The following DNER variants were observed in gnomAD, a reference collection of about 807,000 sequenced individuals.
DNER encodes delta/notch like EGF repeat containing, also known as delta and Notch-like epidermal growth factor-related receptor.
Under a neutral mutation model 78.2 loss-of-function variants are expected in DNER, and 33 were observed. That is an observed-to-expected ratio of 0.42 (90% CI 0.32 to 0.56). DNER has a LOEUF of 0.56. Ranked by LOEUF, DNER falls within the 20% of genes least tolerant of loss-of-function variation. The probability of loss-of-function intolerance (pLI) is 0.11; values close to 1 mark genes in which losing one functional copy is unlikely to be tolerated. For synonymous variants in DNER, 417 were observed against 384.8 expected (o/e 1.08, Z -0.98); for missense variants, 918 against 975.3 (o/e 0.94, Z 0.78).
intron 5 of DNER, among the ~76,000 whole-genome samples, chr2:229,523,436 C>T (rs559374939): frequency 3.9e-5 from 6 of 152,162 alleles, no homozygotes; most frequent in African/African-American, 7.2e-5. Flanking sequence ...TTGGTTTGCC[C>T]GTGGCCATCT....
At chr2:229,526,846 G>A (rs1335389968) in intron 5 of DNER, among the ~76,000 whole-genome samples, 2 of 152,256 alleles carry the variant, frequency 1.3e-5, no homozygotes, top group African/African-American at 2.4e-5. Context: ...CTGTCACAGC[G>A]CTGTAGGGTG....
intron 9 of DNER, among the ~76,000 whole-genome samples, chr2:229,409,436 A>G (rs1349222800): frequency 6.6e-6 from 1 of 152,212 alleles, no homozygotes; most frequent in East Asian, 1.9e-4. Context: ...AGTTTCTAGT[A>G]ATACATTAAC....
At chr2:229,453,135 G>T (rs1278699454) in intron 7 of DNER, among the ~76,000 whole-genome samples, 1 of 152,184 alleles carries the variant, frequency 6.6e-6, no homozygotes, top group East Asian at 1.9e-4. Flanking sequence ...TTGTATCCAT[G>T]AAAGAAAGAT....
At chr2:229,445,671 CAGA>C (rs927404201) in intron 8 of DNER, among the ~76,000 whole-genome samples, 26 of 152,308 alleles carry the variant, frequency 1.7e-4, no homozygotes, top group African/African-American at 6.3e-4. Flanking sequence ...AGACACAACA[CAGA>C]AACCTCGCCT....
At chr2:229,645,101 A>C (rs1295679393) in intron 1 of DNER, among the ~76,000 whole-genome samples, 1 of 152,156 alleles carries the variant, frequency 6.6e-6, no homozygotes, top group Admixed American at 6.5e-5. Context: ...GGCCCAAGCA[A>C]TCATCCTGCC....
At chr2:229,588,587 T>C in intron 2 of DNER, 99 bp from the exon 3 acceptor site, 5 of 986,080 alleles carry the variant, frequency 5.1e-6, no homozygotes, top group Non-Finnish European at 7.7e-6. Flanking sequence ...TTCATCCCTT[T>C]TGATGATGCG....
intron 1 of DNER, among the ~76,000 whole-genome samples, chr2:229,671,703 T>C (rs1699211988): frequency 6.6e-6 from 1 of 152,216 alleles, no homozygotes; most frequent in African/African-American, 2.4e-5. Context: ...CTCTGCTTTT[T>C]AAGATTTCAC....
chr2:229,561,603 C>A (rs1696960949), intron 4 of DNER, among the ~76,000 whole-genome samples: 1 of 152,140 alleles, frequency 6.6e-6, no homozygotes, highest in Non-Finnish European at 1.5e-5. Context: ...CTACACTTTT[C>A]CAAAAGAAAT....
chr2:229,434,873 T>C (rs569564418), intron 8 of DNER, among the ~76,000 whole-genome samples: 60 of 151,800 alleles, frequency 4.0e-4, no homozygotes, highest in African/African-American at 1.4e-3. Flanking sequence ...TCAACTTTCT[T>C]TCTCCTCAAA....
intron 11 of DNER, among the ~76,000 whole-genome samples, chr2:229,387,505 A>AGAG (rs1559337842): frequency 0.01 from 880 of 87,244 alleles, 7 homozygotes; most frequent in African/African-American, 0.015. Context: ...GAAAGAAAGA[A>AGAG]AGAGAGAAAG....
At chr2:229,455,405 A>G (rs923651090) in intron 7 of DNER, among the ~76,000 whole-genome samples, 5 of 152,130 alleles carry the variant, frequency 3.3e-5, no homozygotes, top group African/African-American at 1.2e-4. Flanking sequence ...TTCCCTTTAA[A>G]CGGTGGTTCT....
At chr2:229,562,994 C>A (rs1212610513) in intron 4 of DNER, among the ~76,000 whole-genome samples, 1 of 151,454 alleles carries the variant, frequency 6.6e-6, no homozygotes, top group Non-Finnish European at 1.5e-5. Flanking sequence ...TCAACATCAT[C>A]ATCAACATCA....
chr2:229,459,449 T>G (rs79858534), intron 7 of DNER, among the ~76,000 whole-genome samples: 1 of 152,094 alleles, frequency 6.6e-6, no homozygotes, highest in Non-Finnish European at 1.5e-5. Flanking sequence ...AAAATTTTAT[T>G]GAGTTCTTAC....
chr2:229,515,888 C>T (rs987860560), intron 5 of DNER, among the ~76,000 whole-genome samples: 4 of 152,042 alleles, frequency 2.6e-5, no homozygotes, highest in South Asian at 4.1e-4. Context: ...GTGATCCTCC[C>T]GCCTCGGCCT....
intron 10 of DNER, among the ~76,000 whole-genome samples, chr2:229,389,144 CT>C (rs1692963530): frequency 6.6e-6 from 1 of 152,038 alleles, no homozygotes; most frequent in Admixed American, 6.6e-5. Flanking sequence ...CCAAGGGAAG[CT>C]GTCTGTCATT....
intron 2 of DNER, among the ~76,000 whole-genome samples, chr2:229,590,882 T>C (rs540091179): frequency 5.9e-5 from 9 of 152,350 alleles, no homozygotes; most frequent in African/African-American, 2.2e-4. Flanking sequence ...GGGGCAGATC[T>C]CTCATGAAAG....
chr2:229,653,648 A>C (rs1392041571), intron 1 of DNER, among the ~76,000 whole-genome samples: 1 of 152,124 alleles, frequency 6.6e-6, no homozygotes, highest in Non-Finnish European at 1.5e-5. Flanking sequence ...ACTGGGGCTC[A>C]TTTTACATTA....
At chr2:229,514,258 T>C (rs781495914) in intron 5 of DNER, among the ~76,000 whole-genome samples, 7 of 152,200 alleles carry the variant, frequency 4.6e-5, no homozygotes, top group African/African-American at 1.4e-4. Context: ...GAGCTTTTAG[T>C]ACACGTCAGA....
intron 11 of DNER, among the ~76,000 whole-genome samples, chr2:229,372,266 T>A (rs1692500505): frequency 6.6e-6 from 1 of 152,242 alleles, no homozygotes; most frequent in African/African-American, 2.4e-5. Context: ...AAAGTACAAC[T>A]GTGCTATGTC....
Sources: allele counts gnomAD v4.1 joint callset (sites outside exome capture counted in the v4.1 genomes callset), GRCh38; gene constraint gnomAD v4.1.1; transcripts MANE v1.5; gene names NCBI Gene and HGNC (gene_info 2026-07-23, HGNC 2026-07-21).